LCA5L: variants seen among roughly 807,000 people sequenced by gnomAD.
LCA5L encodes the protein lebercilin-like protein.
In LCA5L, 35 loss-of-function variants were observed where a neutral mutation model predicts 45.4. The ratio of observed to expected loss-of-function variants is 0.77; its 90% CI spans 0.59 to 1.02. The LOEUF is 1.02. Ranked by LOEUF, LCA5L falls within the 50% of genes least tolerant of loss-of-function variation. The pLI is 0.00. For synonymous variants in LCA5L, 233 were observed against 264.7 expected (o/e 0.88, Z 1.16); for missense variants, 668 against 761.6 (o/e 0.88, Z 1.45).
At chr21:39,442,861 C>T (rs1280933681) in intron 2 of LCA5L, among the ~76,000 whole-genome samples, 1 of 152,062 alleles carries the variant, frequency 6.6e-6, no homozygotes, top group Admixed American at 6.6e-5. Context: ...AACTTAAAAG[C>T]TGTGCGTGTG....
At position 39,411,802 on chromosome 21, in the gene LCA5L, C is replaced by T. The variant is rs2040125849; in HGVS notation, c.976G>A (p.Glu326Lys). ...EVKHLQQKLK[E>K]KDRELEIKNI... ...TTAATTTCAAGCTCACGATCCTTTTCCTAAAAAGAACCACAAAACCAATTT... is the reference window on the plus strand; with the variant it reads ...TTAATTTCAAGCTCACGATCCTTTTTCTAAAAAGAACCACAAAACCAATTT... Residue 326 changes from glutamate to lysine, a missense_variant and splice_region_variant, in exon 8 of 11, where the codon GAA (glutamate) becomes AAA (lysine). Glu to Lys is a moderately conservative substitution (Grantham distance 56, BLOSUM62 1). Transcript: ENST00000288350. The T allele has an allele frequency of 6.4e-7, 1 of 1,569,820 alleles. No individual in the cohort carries two copies. The highest frequency in any genetic ancestry group is 8.7e-7 in the Non-Finnish European group (1 of 1,155,050).
chr21:39,424,023 T>G (rs538685314), intron 5 of LCA5L, among the ~76,000 whole-genome samples: 1 of 152,006 alleles, frequency 6.6e-6, no homozygotes, highest in East Asian at 1.9e-4. Context: ...TTATTTTTAT[T>G]TTTTTTTGAG....
At chr21:39,426,670 G>A (rs2074765795) in intron 5 of LCA5L, among the ~76,000 whole-genome samples, 1 of 152,220 alleles carries the variant, frequency 6.6e-6, no homozygotes, top group African/African-American at 2.4e-5. Flanking sequence ...GGTTTTTGTT[G>A]CCAAATCAAC....
At chr21:39,410,815 C>T (rs1056511922) in intron 8 of LCA5L, 11 of 470,798 alleles carry the variant, frequency 2.3e-5, no homozygotes, top group African/African-American at 1.4e-4. Context: ...AACAACCCCT[C>T]GGTTGATTCA....
At chr21:39,418,156 A>G (rs188243203) in intron 7 of LCA5L, among the ~76,000 whole-genome samples, 10 of 152,318 alleles carry the variant, frequency 6.6e-5, no homozygotes, top group Admixed American at 2.6e-4. Context: ...CTATGATCTA[A>G]TTACCTCCCA....
intron 5 of LCA5L, among the ~76,000 whole-genome samples, chr21:39,427,525 G>C (rs555613555): frequency 2.0e-5 from 3 of 152,170 alleles, no homozygotes; most frequent in East Asian, 3.9e-4. Context: ...AGCCGGGCGT[G>C]GTGGTGGGTG....
chr21:39,437,471 T>G (rs1444761124), intron 2 of LCA5L, among the ~76,000 whole-genome samples: 6 of 152,152 alleles, frequency 3.9e-5, no homozygotes, highest in Non-Finnish European at 7.3e-5. Context: ...AAATTAATCT[T>G]TTTTTTGAGA....
chr21:39,438,731 C>CA (rs1244222712), intron 2 of LCA5L: 1 of 152,000 alleles, frequency 6.6e-6, no homozygotes, highest in Non-Finnish European at 1.5e-5. Context: ...ACCAGAATGG[C>CA]AAAAATTAAA....
rs1394996327 is a variant in LCA5L at position 39,406,150 on chromosome 21, G to A, written c.1745C>T (p.Ser582Phe). 1.2e-6 allele frequency: 2 copies of A among 1,614,172 alleles called. No individual in the cohort carries two copies. Residue 582 changes from serine to phenylalanine, a missense_variant, in exon 11 of 11, where the codon TCC becomes TTC. By Grantham distance (155) the Ser-to-Phe change is radical. Transcript: ENST00000288350. ...SGYEPSFGKS[S>F]RIKVKDTTFR... ...AGTTGTATCCTTCACTTTTATTCTG[G>A]AAGACTTACCAAATGAGGGCTCATA... is the stretch of plus-strand genomic sequence containing the variant.
At chr21:39,433,374 C>T (rs1254288642) in intron 3 of LCA5L, among the ~76,000 whole-genome samples, 2 of 143,550 alleles carry the variant, frequency 1.4e-5, no homozygotes, top group African/African-American at 2.6e-5. Flanking sequence ...GCTGAGATTG[C>T]GCCATTGTAC....
chr21:39,420,603 T>C lies in LCA5L; in HGVS notation c.975+103A>G, dbSNP rs1215950742. The C allele has an allele frequency of 1.3e-5, 12 of 954,390 alleles. No individual in the cohort carries two copies. In the African/African-American group the frequency reaches 1.7e-4, roughly 13 times the overall value. 59.1% of individuals were successfully genotyped at this position (954,390 alleles called of 1,614,324 possible). The stretch of plus-strand genomic sequence containing the variant: ...ACAAAGGGTAGAGGAGCCTTATATA[T>C]GTATGTAAAATAAAAAATCACTTAA... On this transcript the variant is annotated intron_variant, in intron 7 of 10. Transcript: ENST00000288350.
chr21:39,417,836 G>C (rs9975823), intron 7 of LCA5L, among the ~76,000 whole-genome samples: 1 of 151,832 alleles, frequency 6.6e-6, no homozygotes, highest in African/African-American at 2.4e-5. Context: ...CGTGATCTCC[G>C]CTCACTGCAA....
intron 3 of LCA5L, among the ~76,000 whole-genome samples, chr21:39,431,477 T>G (rs1348199971): frequency 2.6e-5 from 4 of 151,942 alleles, no homozygotes; most frequent in African/African-American, 9.7e-5. Context: ...CAATTTTTTT[T>G]TTGTTGGTGG....
intron 7 of LCA5L, among the ~76,000 whole-genome samples, chr21:39,412,454 CCTT>C (rs954898799): frequency 2.6e-5 from 4 of 152,114 alleles, no homozygotes; most frequent in African/African-American, 9.7e-5. Flanking sequence ...ATCAAATGCT[CCTT>C]CTTACATGTA....
rs530634460 is a variant in LCA5L, at chr21:39,427,922, C to A, written c.322+250G>T. ...ACCTGTTAACTAAAAACAGAACTAA[C>A]CTCACTAGTAGGCTCCAGTAGGGTA... On this transcript the variant is annotated intron_variant, in intron 5 of 10. Transcript: ENST00000288350. 4 of 268,844 alleles carry A rather than the reference C, an allele frequency of 1.5e-5. No individual in the cohort carries two copies. In the Admixed American group the frequency reaches 2.1e-4, roughly 14 times the overall value. 16.7% of individuals were successfully genotyped at this position (268,844 alleles called of 1,614,324 possible).
At chr21:39,431,739 A>C (rs943134815) in intron 3 of LCA5L, among the ~76,000 whole-genome samples, 1 of 152,074 alleles carries the variant, frequency 6.6e-6, no homozygotes, top group Non-Finnish European at 1.5e-5. Context: ...GATGGTCTCG[A>C]TCTCTTGACC....
At chr21:39,417,826 C>T (rs372932600) in intron 7 of LCA5L, among the ~76,000 whole-genome samples, 11 of 152,102 alleles carry the variant, frequency 7.2e-5, no homozygotes, top group East Asian at 1.9e-4. Context: ...AGTGCGGTGG[C>T]GTGATCTCCG....
chr21:39,433,472 A>G (rs2075965333), intron 3 of LCA5L, among the ~76,000 whole-genome samples: 1 of 150,502 alleles, frequency 6.6e-6, no homozygotes, highest in South Asian at 2.1e-4. Context: ...AAATTTTTGC[A>G]TGACCTGAGG....
chr21:39,445,699 G>C (rs779945666), intron 1 of LCA5L, 26 bp downstream of exon 1: 2 of 152,408 alleles, frequency 1.3e-5, no homozygotes, highest in African/African-American at 2.4e-5. Context: ...GGCTGAGGGG[G>C]ACGACGGCAG....
Sources: allele counts gnomAD v4.1 joint callset (sites outside exome capture counted in the v4.1 genomes callset), GRCh38; gene constraint gnomAD v4.1.1; transcripts MANE v1.5; gene names NCBI Gene and HGNC (gene_info 2026-07-23, HGNC 2026-07-21).